The following CACNA1B variants were observed in gnomAD, a reference collection of about 807,000 sequenced individuals.
The protein encoded by CACNA1B is voltage-dependent N-type calcium channel subunit alpha-1B.
CACNA1B carries 70 observed loss-of-function variants against 247.2 expected under a neutral mutation model. That is an observed-to-expected ratio of 0.28 (90% CI 0.23 to 0.35). The LOEUF (loss-of-function observed/expected upper bound fraction) is 0.35, where lower values mean the gene tolerates loss of function less well. CACNA1B is among the 10% of genes least tolerant of loss of function. The pLI is 1.00. For synonymous variants in CACNA1B, 1,231 were observed against 1,294.4 expected, an observed-to-expected ratio of 0.95 and a Z score of 1.05; for missense variants, 2,367 against 3,197.4, an observed-to-expected ratio of 0.74 and a Z score of 6.26.
At chr9:137,980,750 A>G (rs1958284575) in intron 12 of CACNA1B, among the ~76,000 whole-genome samples, 1 of 152,190 alleles carries the variant, frequency 6.6e-6, no homozygotes, top group South Asian at 2.1e-4. Context: ...ACTTGTGAGA[A>G]CGTGTGGTAT....
At chr9:138,068,475 C>T (rs910835888) in intron 31 of CACNA1B, 21 of 430,034 alleles carry the variant, frequency 4.9e-5, no homozygotes, top group African/African-American at 4.0e-4. Flanking sequence ...AGTTGAGTCC[C>T]CCTAGCACTG....
chr9:138,095,627 A>G (rs1961028649), intron 36 of CACNA1B, among the ~76,000 whole-genome samples: 1 of 152,230 alleles, frequency 6.6e-6, no homozygotes, highest in African/African-American at 2.4e-5. Context: ...GTATATACCC[A>G]AGAGAAATGA....
At chr9:138,076,054 C>T (rs934572517) in intron 35 of CACNA1B, 144 bp downstream of exon 35, 1 of 633,024 alleles carries the variant, frequency 1.6e-6, no homozygotes, top group African/African-American at 1.8e-5. Flanking sequence ...GCAGGCCTTT[C>T]TGGTTCTTCC....
chr9:137,917,984 C>T lies in CACNA1B; in HGVS notation c.966+553C>T, dbSNP rs563387505. Among the ~76,000 whole-genome samples the T allele has an allele frequency of 6.6e-6, 1 of 152,344 alleles. No homozygotes were observed. Among genetic ancestry groups the T allele is most frequent in the African/African-American group, 2.4e-5 (1 of 41,576 alleles). On this transcript the variant is annotated intron_variant, in intron 6 of 46. Coordinates refer to ENST00000371372, the MANE Select transcript of CACNA1B (RefSeq NM_000718.4). This position sits in a 1 kb window ranked among gnomAD's most constrained non-coding sequence, Gnocchi z 5.5. Reference sequence around the variant, plus strand: ...GGCCTCCCGTCCCCAGGCTGCCCGGCGAAGGTGGTGAACCGCGGAGCAGGG... The same window carrying T: ...GGCCTCCCGTCCCCAGGCTGCCCGGTGAAGGTGGTGAACCGCGGAGCAGGG...
At chr9:137,941,704 C>T (rs1479055462) in intron 6 of CACNA1B, among the ~76,000 whole-genome samples, 1 of 151,860 alleles carries the variant, frequency 6.6e-6, no homozygotes, top group Non-Finnish European at 1.5e-5. Context: ...CAAATACTTA[C>T]AGCAAGCAAA....
chr9:137,996,372 G>T (rs988942010), intron 15 of CACNA1B, among the ~76,000 whole-genome samples: 4 of 152,214 alleles, frequency 2.6e-5, no homozygotes, highest in African/African-American at 4.8e-5. Context: ...CAACGTGGAT[G>T]GAATCGGAGG....
chr9:137,900,030 T>TC, intron 3 of CACNA1B, among the ~76,000 whole-genome samples: 1 of 152,108 alleles, frequency 6.6e-6, no homozygotes, highest in African/African-American at 2.4e-5. Flanking sequence ...CAGCTCTGAG[T>TC]CCCCAGTCAC....
chr9:138,087,544 G>A (rs149410680), intron 36 of CACNA1B, among the ~76,000 whole-genome samples: 6,099 of 143,226 alleles, frequency 0.043, 639 homozygotes, highest in African/African-American at 0.16. Context: ...GTGAAACCCC[G>A]TCTCTACTAA....
chr9:138,058,502 G>T lies in CACNA1B; in HGVS notation c.4309-67G>T. ...TGTGAGGCCTGGCGAGACAGGGCTGGGTGCAGTAGATGCCGTCGGGTAGGT... is the reference window on the plus strand; with the variant it reads ...TGTGAGGCCTGGCGAGACAGGGCTGTGTGCAGTAGATGCCGTCGGGTAGGT... On this transcript the variant is annotated intron_variant, in intron 28 of 46. Coordinates refer to ENST00000371372, the MANE Select transcript of CACNA1B (RefSeq NM_000718.4). The surrounding 1 kb of genome is among the most constrained non-coding windows in gnomAD (Gnocchi z 4.7). 7.1e-7 allele frequency: 1 copy of T among 1,412,898 alleles called. No homozygotes were observed. The highest frequency in any genetic ancestry group is 2.3e-5 in the East Asian group (1 of 43,428). 87.5% of individuals were successfully genotyped at this position (1,412,898 alleles called of 1,614,324 possible).
chr9:138,081,208 C>T (rs1051360811), intron 36 of CACNA1B, among the ~76,000 whole-genome samples: 2 of 152,154 alleles, frequency 1.3e-5, no homozygotes, highest in African/African-American at 4.8e-5. Flanking sequence ...GATACCACAC[C>T]ACGTACAGGG....
At chr9:138,110,330 G>A (rs1485538456) in intron 39 of CACNA1B, among the ~76,000 whole-genome samples, 1 of 152,004 alleles carries the variant, frequency 6.6e-6, no homozygotes, top group Non-Finnish European at 1.5e-5. Flanking sequence ...GGCCAGGCTG[G>A]TCTTGAACTC....
intron 6 of CACNA1B, among the ~76,000 whole-genome samples, chr9:137,940,425 T>G (rs1312465352): frequency 6.6e-6 from 1 of 151,980 alleles, no homozygotes; most frequent in Non-Finnish European, 1.5e-5. Context: ...GAAATGGTAA[T>G]AAAAAAATTA....
chr9:137,978,144 T>G (rs1589045307), intron 12 of CACNA1B, among the ~76,000 whole-genome samples: 6 of 77,322 alleles, frequency 7.8e-5, no homozygotes, highest in African/African-American at 1.6e-4. Flanking sequence ...GAGTGAAGGG[T>G]GGGAGCACTA....
intron 3 of CACNA1B, among the ~76,000 whole-genome samples, chr9:137,900,045 G>C (rs1161584513): frequency 6.6e-6 from 1 of 152,174 alleles, no homozygotes; most frequent in Non-Finnish European, 1.5e-5. Context: ...AGTCACCTCT[G>C]CCAGCTCTTG....
intron 6 of CACNA1B, among the ~76,000 whole-genome samples, chr9:137,926,540 T>C (rs1437212309): frequency 6.6e-6 from 1 of 152,238 alleles, no homozygotes; most frequent in Admixed American, 6.5e-5. Flanking sequence ...TTCTTTTGGG[T>C]ATATACCCAG....
At position 138,078,219 on chromosome 9, in the gene CACNA1B, C is replaced by T. The variant is rs1960395818; in HGVS notation, c.5055C>T (p.Tyr1685=). 1 of 1,614,012 alleles carries T rather than the reference C, an allele frequency of 6.2e-7. No homozygotes were observed. Among genetic ancestry groups the T allele is most frequent in the Non-Finnish European group, 8.5e-7 (1 of 1,179,894 alleles). The change falls in exon 36 of 47, where the codon TAC becomes TAT. Residue 1685 remains tyrosine, a synonymous_variant. Coordinates refer to ENST00000371372, the MANE Select transcript of CACNA1B (RefSeq NM_000718.4). ...NATECGSDFA[Y]FYFVSFIFLC... The stretch of plus-strand genomic sequence containing the variant: ...CCGAGTGTGGAAGTGACTTTGCCTA[C>T]TTCTACTTCGTCTCCTTCATCTTCC...
At chr9:138,043,733 G>C in intron 20 of CACNA1B, 41 bp from the exon 21 acceptor site, 2 of 1,612,302 alleles carry the variant, frequency 1.2e-6, no homozygotes, top group Non-Finnish European at 1.7e-6. Flanking sequence ...TGGGCTTCAT[G>C]TGCACTACAC....
intron 36 of CACNA1B, among the ~76,000 whole-genome samples, chr9:138,093,962 T>C (rs1470885037): frequency 2.0e-5 from 3 of 152,132 alleles, no homozygotes; most frequent in South Asian, 2.1e-4. Flanking sequence ...TCAACAGATA[T>C]ATGTCCACAC....
chr9:137,974,273 C>A lies in CACNA1B; in HGVS notation c.1544-1634C>A, dbSNP rs532357626. On this transcript the variant is annotated intron_variant, in intron 11 of 46. Coordinates refer to ENST00000371372, the MANE Select transcript of CACNA1B (RefSeq NM_000718.4). The surrounding 1 kb of genome is among the most constrained non-coding windows in gnomAD (Gnocchi z 4.5). Reference sequence around the variant, plus strand: ...GAGGGTGGATCCTTCCATTCCCGAGCAGCCCTGCCTGAGGGTCGCTGGGCA... The same window carrying A: ...GAGGGTGGATCCTTCCATTCCCGAGAAGCCCTGCCTGAGGGTCGCTGGGCA... Among the ~76,000 whole-genome samples, 1 of 152,336 alleles carries A rather than the reference C, an allele frequency of 6.6e-6. No individual in the cohort carries two copies. The highest frequency in any genetic ancestry group is 2.4e-5 in the African/African-American group (1 of 41,574).
Sources: allele counts gnomAD v4.1 joint callset (sites outside exome capture counted in the v4.1 genomes callset), GRCh38; gene constraint gnomAD v4.1.1; non-coding constraint Gnocchi (gnomAD v3.1); transcripts MANE v1.5; gene names NCBI Gene and HGNC (gene_info 2026-07-23, HGNC 2026-07-21).